GPC5: variants seen among roughly 807,000 people sequenced by gnomAD.
GPC5 encodes the protein glypican 5, also known as glypican-5.
A neutral mutation model predicts 53.9 loss-of-function variants in GPC5; 47 were observed. The observed-to-expected ratio is 0.87, with a 90% confidence interval of 0.69 to 1.11. The LOEUF (loss-of-function observed/expected upper bound fraction) is 1.11. Ranked by LOEUF, GPC5 falls within the 50% of genes most tolerant of loss-of-function variation. The pLI is 0.00. For missense variants in GPC5, 748 were observed against 713.1 expected (o/e 1.05, Z -0.56); for synonymous variants, 286 against 263.3 (o/e 1.09, Z -0.84).
At chr13:92,625,739 C>CT (rs1162679083) in intron 7 of GPC5, among the ~76,000 whole-genome samples, 1 of 152,126 alleles carries the variant, frequency 6.6e-6, no homozygotes, top group Non-Finnish European at 1.5e-5. Context: ...TGCTACTTGC[C>CT]TTTTTTCATC....
chr13:91,571,786 T>C (rs561266999), intron 2 of GPC5, among the ~76,000 whole-genome samples: 8 of 141,770 alleles, frequency 5.6e-5, no homozygotes, highest in South Asian at 2.3e-4. Context: ...CACACACATA[T>C]ACGTGTGTGT....
intron 6 of GPC5, among the ~76,000 whole-genome samples, chr13:92,104,158 G>A (rs1725835722): frequency 1.3e-5 from 2 of 152,084 alleles, no homozygotes; most frequent in South Asian, 2.1e-4. Flanking sequence ...TGAGAATGGA[G>A]CTTTTGGGAG....
chr13:92,144,916 G>C lies in GPC5; in HGVS notation c.1488G>C (p.Gly496=), dbSNP rs761055682. ...SGGGMVEQVS[G]DCDDEDGCGG... ...GAGGCATGGTTGAACAAGTCAGTGG[G>C]GACTGTGATGATGAAGATGGTTGCG... Residue 496 remains glycine (G), a synonymous_variant, in exon 7 of 8, where the codon GGG becomes GGC. Coordinates refer to ENST00000377067, the MANE Select transcript of GPC5 (RefSeq NM_004466.6). 1 of 1,599,362 alleles carries C rather than the reference G, an allele frequency of 6.3e-7. No homozygotes were observed. The highest frequency in any genetic ancestry group is 8.5e-7 in the Non-Finnish European group (1 of 1,174,986).
At chr13:91,950,067 A>G (rs1468885032) in intron 6 of GPC5, among the ~76,000 whole-genome samples, 1 of 152,138 alleles carries the variant, frequency 6.6e-6, no homozygotes, top group East Asian at 1.9e-4. Flanking sequence ...GGAACAGCCT[A>G]TCTACAGAAA....
chr13:92,614,183 A>G (rs1281739740), intron 7 of GPC5, among the ~76,000 whole-genome samples: 1 of 152,154 alleles, frequency 6.6e-6, no homozygotes, highest in East Asian at 1.9e-4. Context: ...CTCCTTGTCT[A>G]ATACCATTAA....
chr13:91,916,913 A>G (rs903510225), intron 6 of GPC5, among the ~76,000 whole-genome samples: 1 of 152,180 alleles, frequency 6.6e-6, no homozygotes, highest in Non-Finnish European at 1.5e-5. Flanking sequence ...TGGGAATTAT[A>G]ATTCAAGATG....
chr13:92,821,506 A>G (rs1413437320), intron 7 of GPC5, among the ~76,000 whole-genome samples: 1 of 152,106 alleles, frequency 6.6e-6, no homozygotes, highest in African/African-American at 2.4e-5. Flanking sequence ...ACACTGGGCA[A>G]TGTCTATCAG....
intron 1 of GPC5, among the ~76,000 whole-genome samples, chr13:91,419,308 CA>C (rs751624026): frequency 2.0e-5 from 3 of 152,022 alleles, no homozygotes; most frequent in Non-Finnish European, 4.4e-5. Context: ...AATATGAGCA[CA>C]AGCATAAAAA....
chr13:92,352,389 GAATT>G (rs997310404), intron 7 of GPC5, among the ~76,000 whole-genome samples: 90 of 152,202 alleles, frequency 5.9e-4, no homozygotes, highest in African/African-American at 1.8e-3. Flanking sequence ...TATATTAAGA[GAATT>G]AATTCTTAAA....
At chr13:92,302,884 A>G (rs2043084916) in intron 7 of GPC5, among the ~76,000 whole-genome samples, 1 of 152,106 alleles carries the variant, frequency 6.6e-6, no homozygotes, top group African/African-American at 2.4e-5. Flanking sequence ...TTTTATTCTT[A>G]TGGGAGGATC....
chr13:92,759,378 A>G (rs1875066111), intron 7 of GPC5, among the ~76,000 whole-genome samples: 1 of 151,938 alleles, frequency 6.6e-6, no homozygotes, highest in Non-Finnish European at 1.5e-5. Flanking sequence ...GAGCAATGGG[A>G]TATCTTTCCA....
At chr13:91,815,595 T>G (rs2138816928) in intron 5 of GPC5, among the ~76,000 whole-genome samples, 1 of 152,266 alleles carries the variant, frequency 6.6e-6, no homozygotes, top group African/African-American at 2.4e-5. Flanking sequence ...TTATGATTCC[T>G]TAGTGAGCAC....
chr13:92,387,833 C>T (rs1046430832), intron 7 of GPC5, among the ~76,000 whole-genome samples: 4 of 151,982 alleles, frequency 2.6e-5, no homozygotes, highest in Admixed American at 6.6e-5. Flanking sequence ...CTAACTCAAA[C>T]GGTTGTTTTG....
chr13:92,780,879 T>C (rs1876000813), intron 7 of GPC5, among the ~76,000 whole-genome samples: 2 of 152,064 alleles, frequency 1.3e-5, no homozygotes, highest in South Asian at 4.1e-4. Flanking sequence ...GCATAAAAAA[T>C]TCCCTAAATT....
chr13:92,165,687 C>G (rs2042022422), intron 7 of GPC5, among the ~76,000 whole-genome samples: 1 of 152,152 alleles, frequency 6.6e-6, no homozygotes, highest in Non-Finnish European at 1.5e-5. Flanking sequence ...GATTACAATT[C>G]AAAATGAAAT....
intron 7 of GPC5, among the ~76,000 whole-genome samples, chr13:92,714,061 T>A (rs1888244801): frequency 6.6e-6 from 1 of 152,220 alleles, no homozygotes; most frequent in African/African-American, 2.4e-5. Context: ...GAACTGAATT[T>A]ATTCCTGTTG....
At chr13:92,444,739 A>T (rs970728677) in intron 7 of GPC5, among the ~76,000 whole-genome samples, 3 of 126,284 alleles carry the variant, frequency 2.4e-5, no homozygotes, top group African/African-American at 9.2e-5. Flanking sequence ...AAAAAAAAAA[A>T]AGTCTAAACT....
At chr13:91,823,025 G>A (rs1026347549) in intron 5 of GPC5, among the ~76,000 whole-genome samples, 1 of 151,828 alleles carries the variant, frequency 6.6e-6, no homozygotes, top group Non-Finnish European at 1.5e-5. Context: ...TAAATGTTTG[G>A]GTTCTGACAT....
chr13:92,270,185 C>T (rs968770004), intron 7 of GPC5, among the ~76,000 whole-genome samples: 7 of 152,092 alleles, frequency 4.6e-5, no homozygotes, highest in African/African-American at 1.7e-4. Context: ...GAAGGAGATA[C>T]TTGAATGGCA....
Sources: gnomAD v4.1 joint callset for allele counts (sites outside exome capture counted in the v4.1 genomes callset) on GRCh38, gnomAD v4.1.1 for gene constraint, MANE v1.5 for transcripts, NCBI Gene and HGNC (gene_info 2026-07-23, HGNC 2026-07-21) for gene names.